RBM26: variants seen among roughly 807,000 people sequenced by gnomAD.
The protein encoded by RBM26 is RNA-binding protein 26.
In RBM26, 30 loss-of-function variants were observed where a neutral mutation model predicts 123.6. The observed-to-expected ratio is 0.24, with a 90% CI of 0.18 to 0.33. The LOEUF is 0.33. Among genes scored for constraint, RBM26 ranks in the 10% least tolerant of loss-of-function variants. The pLI, the probability that RBM26 is intolerant of heterozygous loss-of-function variation, is 1.00. For synonymous variants in RBM26, 400 were observed against 404.4 expected, an observed-to-expected ratio of 0.99 and a Z score of 0.13; for missense variants, 947 against 1,203.6, an observed-to-expected ratio of 0.79 and a Z score of 3.15.
chr13:79,367,399 T>G (rs1367639206), intron 6 of RBM26, among the ~76,000 whole-genome samples: 1 of 40,858 alleles, frequency 2.4e-5, no homozygotes, highest in East Asian at 8.4e-4. Context: ...AGGGGGAGAC[T>G]CCATCTCAAA....
chr13:79,378,943 C>A, intron 1 of RBM26, 36 bp from the exon 2 acceptor site: 1 of 1,223,154 alleles, frequency 8.2e-7, no homozygotes, highest in Non-Finnish European at 1.2e-6. Flanking sequence ...AAAATTTAGC[C>A]AACTGCACAT....
intron 14 of RBM26, among the ~76,000 whole-genome samples, chr13:79,347,577 A>C (rs2072543079): frequency 6.6e-6 from 1 of 152,186 alleles, no homozygotes; most frequent in South Asian, 2.1e-4. Context: ...TGACTTCTCC[A>C]AACAACCACA....
Position 79,405,950 on chromosome 13 carries a change from G to A in RBM26, c.-176C>T. The A allele has an allele frequency of 3.0e-6, 1 of 336,010 alleles. No individual in the cohort carries two copies. The highest frequency in any genetic ancestry group is 5.3e-6 in the Non-Finnish European group (1 of 187,472). 20.8% of individuals were successfully genotyped at this position (336,010 alleles called of 1,614,324 possible). On this transcript the variant is annotated 5_prime_UTR_variant, in exon 1 of 22. Transcript: ENST00000438737. ...GAACAGCTCTGCAAGGACCGCCGCAGGCCACAAGTGCACGGGGTGCCAGGA... is the reference window on the plus strand; with the variant it reads ...GAACAGCTCTGCAAGGACCGCCGCAAGCCACAAGTGCACGGGGTGCCAGGA...
intron 20 of RBM26, among the ~76,000 whole-genome samples, chr13:79,332,451 A>G (rs984864620): frequency 7.9e-5 from 12 of 152,184 alleles, no homozygotes; most frequent in Admixed American, 2.0e-4. Context: ...TCCTGCTTGT[A>G]TAAGATAAGC....
chr13:79,349,830 T>C (rs1415862717), intron 14 of RBM26, among the ~76,000 whole-genome samples: 1 of 151,930 alleles, frequency 6.6e-6, no homozygotes, highest in Non-Finnish European at 1.5e-5. Context: ...CCCAAGTAGC[T>C]GGGATTACAG....
chr13:79,325,589 G>A (rs548218426), intron 20 of RBM26, among the ~76,000 whole-genome samples: 3 of 152,214 alleles, frequency 2.0e-5, no homozygotes, highest in East Asian at 3.9e-4. Context: ...GCTGTGCAAC[G>A]TGTCTGTTTT....
chr13:79,382,794 A>C (rs1166434584), intron 1 of RBM26, among the ~76,000 whole-genome samples: 1 of 152,122 alleles, frequency 6.6e-6, no homozygotes, highest in Non-Finnish European at 1.5e-5. Context: ...TCTCCTATGC[A>C]GTAGAGTGTT....
intron 1 of RBM26, among the ~76,000 whole-genome samples, chr13:79,392,286 A>G (rs1372920876): frequency 1.4e-5 from 2 of 138,154 alleles, no homozygotes; most frequent in African/African-American, 5.3e-5. Flanking sequence ...AATTATATAT[A>G]AAATATATAA....
chr13:79,312,254 T>A (rs2066916341), exon 5 of RBM26: 1 of 152,066 alleles, frequency 6.6e-6, no homozygotes, highest in South Asian at 2.1e-4. Flanking sequence ...AACCACTTAT[T>A]AGAAGAAATC....
chr13:79,366,576 T>C, intron 7 of RBM26, 57 bp downstream of exon 7: 1 of 1,464,832 alleles, frequency 6.8e-7, no homozygotes, highest in African/African-American at 1.4e-5. Context: ...CTATTAAGTT[T>C]TAAAAATAGA....
downstream of RBM26, chr13:79,314,160 T>C (rs1223328569): frequency 6.6e-6 from 1 of 151,730 alleles, no homozygotes; most frequent in East Asian, 1.9e-4. Context: ...TGCTTATAAA[T>C]AATTTGGACA....
chr13:79,314,870 CA>C, downstream of RBM26: 1 of 698,770 alleles, frequency 1.4e-6, no homozygotes, highest in South Asian at 1.6e-5. Flanking sequence ...AACATCTGTT[CA>C]AATTGATAAA....
At chr13:79,370,807 T>C (rs750032197) in intron 5 of RBM26, 138 bp downstream of exon 5, 2 of 938,660 alleles carry the variant, frequency 2.1e-6, no homozygotes, top group Non-Finnish European at 3.1e-6. Context: ...AAGGAATTTT[T>C]AAAAAGCATT....
intron 21 of RBM26, among the ~76,000 whole-genome samples, chr13:79,321,439 G>A (rs990426660): frequency 5.3e-5 from 8 of 151,330 alleles, no homozygotes; most frequent in African/African-American, 1.9e-4. Context: ...GTAAAACATG[G>A]AATTATTTAG....
At chr13:79,387,077 C>A (rs1436584102) in intron 1 of RBM26, among the ~76,000 whole-genome samples, 1 of 151,994 alleles carries the variant, frequency 6.6e-6, no homozygotes, top group African/African-American at 2.4e-5. Flanking sequence ...CACAGTCATG[C>A]CAAAATTTAT....
At chr13:79,349,304 T>G (rs2072834414) in intron 14 of RBM26, among the ~76,000 whole-genome samples, 2 of 152,218 alleles carry the variant, frequency 1.3e-5, no homozygotes, top group Admixed American at 1.3e-4. Flanking sequence ...TCTATCTAAC[T>G]GAAGTTTTAT....
At chr13:79,367,411 A>AAAAAAAAAAAAAAAT (rs2075390323) in intron 6 of RBM26, among the ~76,000 whole-genome samples, 1 of 41,776 alleles carries the variant, frequency 2.4e-5, no homozygotes, top group Non-Finnish European at 4.8e-5. Flanking sequence ...CATCTCAAAA[A>AAAAAAAAAAAAAAAT]AAAAAAAAAA....
At position 79,319,978 on chromosome 13, in the gene RBM26, CTT is replaced by C; in HGVS notation, c.*641_*642del. On this transcript the variant is annotated 3_prime_UTR_variant, in exon 22 of 22. Transcript: ENST00000438737. The stretch of plus-strand genomic sequence containing the variant: ...TTTTTTTTTTTTTTTTTTGTCATTG[CTT>C]TTCTCTTTTCTTTCCTTTTTTTTTT... The C allele has an allele frequency of 3.6e-6, 1 of 277,670 alleles. No homozygotes were observed. The highest frequency in any genetic ancestry group is 4.0e-6 in the Non-Finnish European group (1 of 249,070). 17.2% of individuals were successfully genotyped at this position (277,670 alleles called of 1,614,324 possible).
chr13:79,387,553 T>C lies in RBM26; in HGVS notation c.72-8646A>G, dbSNP rs574574900. Among the ~76,000 whole-genome samples the C allele has an allele frequency of 1.3e-4, 16 of 123,298 alleles. No homozygotes were observed. In the South Asian group the frequency reaches 3.9e-3, roughly 30 times the overall value. The allele number at this position is 123,298 out of a possible 152,430, so 80.9% of individuals were successfully genotyped here. On this transcript the variant is annotated intron_variant, in intron 1 of 21. Coordinates refer to ENST00000438737, the MANE Select transcript of RBM26 (RefSeq NM_001366735.2). ...GCATTTTATTTCTCTAGGCTTTAGT[T>C]TACTCATTTAAAAAAAAAAAAAAGG...
Sources: allele counts gnomAD v4.1 joint callset (sites outside exome capture counted in the v4.1 genomes callset), GRCh38; gene constraint gnomAD v4.1.1; transcripts MANE v1.5; gene names NCBI Gene and HGNC (gene_info 2026-07-23, HGNC 2026-07-21).